The following NSMCE2 variants were observed in gnomAD, a reference collection of about 807,000 sequenced individuals.
NSMCE2 encodes the protein E3 SUMO-protein ligase NSE2.
In NSMCE2, 24 loss-of-function variants were observed where a neutral mutation model predicts 23.8. That is an observed-to-expected ratio of 1.01 (90% CI 0.73 to 1.42). The LOEUF (loss-of-function observed/expected upper bound fraction) is 1.42, where lower values mean the gene tolerates loss of function less well. Among genes scored for constraint, NSMCE2 ranks in the 40% most tolerant of loss-of-function variants. The pLI, the probability that NSMCE2 is intolerant of heterozygous loss-of-function variation, is 0.00. For synonymous variants in NSMCE2, 92 were observed against 94.1 expected, an observed-to-expected ratio of 0.98 and a Z score of 0.13; for missense variants, 284 against 296.5, an observed-to-expected ratio of 0.96 and a Z score of 0.31.
intron 4 of NSMCE2, among the ~76,000 whole-genome samples, chr8:125,177,084 T>C (rs1372546434): frequency 6.6e-6 from 1 of 152,260 alleles, no homozygotes; most frequent in African/African-American, 2.4e-5. Flanking sequence ...TAGTTTTCTA[T>C]GTATGTTTCT....
At chr8:125,111,327 C>T (rs919515797) in intron 3 of NSMCE2, among the ~76,000 whole-genome samples, 25 of 151,928 alleles carry the variant, frequency 1.6e-4, no homozygotes, top group Admixed American at 3.3e-4. Context: ...GTTTTAAATC[C>T]GGGTGCTTTG....
intron 4 of NSMCE2, among the ~76,000 whole-genome samples, chr8:125,166,737 C>T (rs1446143161): frequency 6.6e-6 from 1 of 152,166 alleles, no homozygotes; most frequent in Non-Finnish European, 1.5e-5. Context: ...AGTTGGGGTA[C>T]TCCCCAGTGG....
At chr8:125,146,912 A>C (rs949220394) in intron 3 of NSMCE2, among the ~76,000 whole-genome samples, 5 of 152,154 alleles carry the variant, frequency 3.3e-5, no homozygotes, top group African/African-American at 1.2e-4. Context: ...CAAAACAAAA[A>C]AAAACAAACT....
At chr8:125,327,263 C>A (rs1829705621) in intron 5 of NSMCE2, among the ~76,000 whole-genome samples, 2 of 56,852 alleles carry the variant, frequency 3.5e-5, no homozygotes, top group African/African-American at 7.8e-5. Flanking sequence ...AAGACTCCAT[C>A]TCAAAAAAAA....
At chr8:125,345,044 A>C (rs1586800375) in intron 5 of NSMCE2, among the ~76,000 whole-genome samples, 1 of 150,830 alleles carries the variant, frequency 6.6e-6, no homozygotes, top group South Asian at 2.1e-4. Flanking sequence ...AAAAAAAAAA[A>C]CCTCCACATT....
chr8:125,288,598 C>A (rs1380135875), intron 5 of NSMCE2, among the ~76,000 whole-genome samples: 10 of 152,154 alleles, frequency 6.6e-5, no homozygotes, highest in Non-Finnish European at 1.3e-4. Flanking sequence ...TTCTGTGTAT[C>A]TGAAACTCTT....
chr8:125,203,027 T>C (rs1399181271), intron 5 of NSMCE2, among the ~76,000 whole-genome samples: 1 of 152,198 alleles, frequency 6.6e-6, no homozygotes, highest in African/African-American at 2.4e-5. Flanking sequence ...TCCTATGCTC[T>C]GATGAAAACA....
chr8:125,310,296 G>C (rs904856313), intron 5 of NSMCE2, among the ~76,000 whole-genome samples: 3 of 152,138 alleles, frequency 2.0e-5, no homozygotes, highest in African/African-American at 7.2e-5. Context: ...TTTGGGGCAA[G>C]TTATTTAACC....
At chr8:125,247,243 A>C (rs1826020650) in intron 5 of NSMCE2, among the ~76,000 whole-genome samples, 1 of 151,796 alleles carries the variant, frequency 6.6e-6, no homozygotes, top group Admixed American at 6.6e-5. Flanking sequence ...TAAGGTGGGA[A>C]GATTACCTGA....
At chr8:125,221,496 A>G (rs1239409125) in intron 5 of NSMCE2, among the ~76,000 whole-genome samples, 1 of 152,200 alleles carries the variant, frequency 6.6e-6, no homozygotes, top group Admixed American at 6.5e-5. Flanking sequence ...CACCTGCCTC[A>G]GCTTCCCAAA....
At chr8:125,293,999 A>G (rs554849081) in intron 5 of NSMCE2, among the ~76,000 whole-genome samples, 1 of 152,334 alleles carries the variant, frequency 6.6e-6, no homozygotes, top group Admixed American at 6.5e-5. Flanking sequence ...GCTCTAGGCA[A>G]CCACTAAATC....
chr8:125,167,764 T>A (rs1821968856), intron 4 of NSMCE2, among the ~76,000 whole-genome samples: 3 of 128,734 alleles, frequency 2.3e-5, no homozygotes, highest in African/African-American at 8.0e-5. Flanking sequence ...TCTTGTAAGA[T>A]TTTTTTTTTT....
At chr8:125,252,525 CA>C (rs1178004281) in intron 5 of NSMCE2, among the ~76,000 whole-genome samples, 1 of 150,922 alleles carries the variant, frequency 6.6e-6, no homozygotes, top group Non-Finnish European at 1.5e-5. Context: ...GACTCTGTCT[CA>C]AAAAAAAGAG....
chr8:125,352,485 A>G (rs1813081452), intron 5 of NSMCE2, among the ~76,000 whole-genome samples: 1 of 152,130 alleles, frequency 6.6e-6, no homozygotes, highest in Admixed American at 6.6e-5. Context: ...TCAAAAAAAA[A>G]AAAAAAAAAT....
intron 5 of NSMCE2, among the ~76,000 whole-genome samples, chr8:125,355,465 C>T (rs1813218282): frequency 6.6e-6 from 1 of 152,116 alleles, no homozygotes; most frequent in Non-Finnish European, 1.5e-5. Context: ...TCTGGGAGGC[C>T]AAGGCGGGCA....
chr8:125,302,285 G>C (rs765715161), intron 5 of NSMCE2, among the ~76,000 whole-genome samples: 2 of 152,134 alleles, frequency 1.3e-5, no homozygotes, highest in African/African-American at 4.8e-5. Flanking sequence ...CATATTTATT[G>C]GATGTCTCCT....
intron 3 of NSMCE2, among the ~76,000 whole-genome samples, chr8:125,125,192 C>T (rs1030539782): frequency 6.6e-6 from 1 of 151,974 alleles, no homozygotes; most frequent in Admixed American, 6.6e-5. Flanking sequence ...TAATTGTCCT[C>T]GATAGAACCT....
At chr8:125,310,014 A>G (rs1420407301) in intron 5 of NSMCE2, among the ~76,000 whole-genome samples, 1 of 152,216 alleles carries the variant, frequency 6.6e-6, no homozygotes, top group East Asian at 1.9e-4. Context: ...CATTTCTACT[A>G]TGATGGGGGG....
intron 3 of NSMCE2, among the ~76,000 whole-genome samples, chr8:125,144,981 A>G (rs1415806629): frequency 6.6e-6 from 1 of 152,146 alleles, no homozygotes; most frequent in East Asian, 1.9e-4. Flanking sequence ...AGATTGCATA[A>G]TTATAGGTTT....
Sources: gnomAD v4.1 joint callset for allele counts (sites outside exome capture counted in the v4.1 genomes callset) on GRCh38, gnomAD v4.1.1 for gene constraint, MANE v1.5 for transcripts, NCBI Gene and HGNC (gene_info 2026-07-23, HGNC 2026-07-21) for gene names.